Variants in GRIN2D observed in about 807,000 individuals in gnomAD.
GRIN2D encodes glutamate receptor ionotropic, NMDA 2D.
A neutral mutation model predicts 103.2 loss-of-function variants in GRIN2D; 37 were observed. That is an observed-to-expected ratio of 0.36 (90% confidence interval 0.28 to 0.47). The LOEUF is 0.47. Ranked by LOEUF, GRIN2D falls within the 20% of genes least tolerant of loss-of-function variation. The pLI is 1.00. For synonymous variants in GRIN2D, 845 were observed against 885.6 expected (o/e 0.95, Z 0.81); for missense variants, 1,557 against 1,910.6 (o/e 0.81, Z 3.45).
intron 4 of GRIN2D, among the ~76,000 whole-genome samples, chr19:48,411,798 T>C (rs1970864433): frequency 1.3e-5 from 2 of 150,264 alleles, no homozygotes; most frequent in Admixed American, 1.3e-4. Flanking sequence ...CCAGTGTTGA[T>C]AGAGAAAAAA....
rs1970673208 is a variant in GRIN2D at position 48,398,711 on chromosome 19, C to T, written c.319C>T (p.Leu107=). 3 of 1,468,156 alleles carry T rather than the reference C, an allele frequency of 2.0e-6. No homozygotes were observed. The highest frequency in any genetic ancestry group is 2.4e-4 in the Middle Eastern group (1 of 4,252). 90.9% of individuals were successfully genotyped at this position (1,468,156 alleles called of 1,614,324 possible). A position where few individuals can be genotyped will look rare whatever the true frequency, so the allele number is the denominator to read the frequency against. Residue 107 remains leucine (L), a synonymous_variant, in exon 3 of 14, where the codon CTG becomes TTG. Coordinates refer to ENST00000263269, the MANE Select transcript of GRIN2D (RefSeq NM_000836.4). ...CCTCGTGCTGCAGCTCTGCGACCTG[C>T]TGTCGGGGTTGCGCGTGCACGGCGT... The part of the protein sequence containing the change: ...RSLVLQLCDL[L]SGLRVHGVVF...
chr19:48,414,317 C>T lies in GRIN2D; in HGVS notation c.1201-56C>T, dbSNP rs749735268. The T allele has an allele frequency of 1.4e-5, 20 of 1,405,372 alleles. No individual in the cohort carries two copies. The highest frequency in any genetic ancestry group is 1.9e-5 in the Non-Finnish European group (19 of 1,021,096). 87.1% of individuals were successfully genotyped at this position (1,405,372 alleles called of 1,614,324 possible). On this transcript the variant is annotated intron_variant, in intron 5 of 13. Coordinates refer to ENST00000263269, the MANE Select transcript of GRIN2D (RefSeq NM_000836.4). This position sits in a 1 kb window ranked among gnomAD's most constrained non-coding sequence, Gnocchi z 4.6. ...TCTGAGGGAAGAGGATCATGGAGGC[C>T]AGGATACACCGGGAAGTCTTCCCAG...
chr19:48,402,769 A>AGAGAGATT (rs1188746410), intron 3 of GRIN2D, among the ~76,000 whole-genome samples: 1 of 58,456 alleles, frequency 1.7e-5, no homozygotes, highest in East Asian at 9.2e-4. Flanking sequence ...CCTTTACGAG[A>AGAGAGATT]GAGAGAGAGA....
Position 48,414,183 on chromosome 19 carries a change from G to C in GRIN2D, c.1200+78G>C, listed in dbSNP as rs1354900501. 87 of 987,930 alleles carry C rather than the reference G, an allele frequency of 8.8e-5. No homozygotes were observed. The East Asian group carries it at 2.2e-3, about 24-fold the overall frequency. The allele number at this position is 987,930 out of a possible 1,614,324, so 61.2% of individuals were successfully genotyped here. A position where few individuals can be genotyped will look rare whatever the true frequency, so the allele number is the denominator to read the frequency against. On this transcript the variant is annotated intron_variant, in intron 5 of 13. Coordinates refer to ENST00000263269, the MANE Select transcript of GRIN2D (RefSeq NM_000836.4). This position sits in a 1 kb window ranked among gnomAD's most constrained non-coding sequence, Gnocchi z 4.6. Reference sequence around the variant, plus strand: ...CCTGGCAGAGGGGGGGCTTGAGGTCGTGGACTAAGAGGGAGGAGGGGACAA... The same window carrying C: ...CCTGGCAGAGGGGGGGCTTGAGGTCCTGGACTAAGAGGGAGGAGGGGACAA...
Position 48,416,088 on chromosome 19 carries a change from C to A in GRIN2D, c.1668C>A (p.Phe556Leu). 6.2e-7 allele frequency: 1 copy of A among 1,613,964 alleles called. No individual in the cohort carries two copies. ...AGATCGTGGACTTCTCCGTCCCCTT[C>A]GTGGAGACCGGCATCAGCGTCATGG... is the stretch of plus-strand genomic sequence containing the variant. Reference protein sequence around the residue: ...RSEIVDFSVPFVETGISVMVA... With the variant: ...RSEIVDFSVPLVETGISVMVA... Residue 556 changes from phenylalanine (F) to leucine (L), a missense_variant, in exon 8 of 14, where the codon TTC (phenylalanine) becomes TTA (leucine). This residue lies in a region of GRIN2D where 197 missense variants were observed against 334.1 expected (regional missense o/e 0.59). Transcript: ENST00000263269.
chr19:48,419,390 G>A, intron 9 of GRIN2D, 31 bp downstream of exon 9: 1 of 1,583,438 alleles, frequency 6.3e-7, no homozygotes, highest in Non-Finnish European at 8.5e-7. Context: ...CCCCCGCCTC[G>A]GAGATCCCGA....
At position 48,397,373 on chromosome 19, in the gene GRIN2D, C is replaced by T. The variant is rs1473833352; in HGVS notation, c.-26-994C>T. Reference sequence around the variant, plus strand: ...CTTTTATTTCTGCTCCCTCCTGCCACTCGCCTTCCCCGCCTTACTTTCATG... The same window carrying T: ...CTTTTATTTCTGCTCCCTCCTGCCATTCGCCTTCCCCGCCTTACTTTCATG... On this transcript the variant is annotated intron_variant, in intron 2 of 13. Transcript: ENST00000263269. 3.3e-5 allele frequency among the ~76,000 whole-genome samples: 5 copies of T among 152,068 alleles called. No homozygotes were observed. The East Asian group carries it at 9.6e-4, about 29-fold the overall frequency.
chr19:48,443,951 GC>G lies in GRIN2D; in HGVS notation c.*18del. On this transcript the variant is annotated 3_prime_UTR_variant, in exon 14 of 14. Coordinates refer to ENST00000263269, the MANE Select transcript of GRIN2D (RefSeq NM_000836.4). This position sits in a 1 kb window ranked among gnomAD's most constrained non-coding sequence, Gnocchi z 8.9. ...TCCGAGGTATGACGCGGCCCCGGGG[GC>G]CCCACCGCCCCCTTGGTCAGCGCAG... 2 of 1,378,144 alleles carry G rather than the reference GC, an allele frequency of 1.5e-6. No homozygotes were observed. Among genetic ancestry groups the G allele is most frequent in the Non-Finnish European group, 1.9e-6 (2 of 1,064,434 alleles). 85.4% of individuals were successfully genotyped at this position (1,378,144 alleles called of 1,614,324 possible). A position where few individuals can be genotyped will look rare whatever the true frequency, so the allele number is the denominator to read the frequency against.
At chr19:48,400,272 G>T (rs559012068) in intron 3 of GRIN2D, among the ~76,000 whole-genome samples, 2 of 152,218 alleles carry the variant, frequency 1.3e-5, no homozygotes, top group South Asian at 4.1e-4. Flanking sequence ...CTCTCCAGAG[G>T]TGGGGCCAGC....
intron 10 of GRIN2D, among the ~76,000 whole-genome samples, chr19:48,420,657 C>T (rs1600982790): frequency 1.3e-5 from 2 of 151,644 alleles, no homozygotes; most frequent in East Asian, 3.9e-4. Context: ...GAAACCTCGT[C>T]TCTAATAAAA....
chr19:48,405,141 C>G lies in GRIN2D; in HGVS notation c.873C>G (p.Pro291=), dbSNP rs939569697. Residue 291 remains proline (P), a synonymous_variant, in exon 4 of 14, where the codon CCC becomes CCG. Transcript: ENST00000263269. The surrounding 1 kb of genome is among the most constrained non-coding windows in gnomAD (Gnocchi z 5.1). Reference sequence around the variant, plus strand: ...GGGGCTCTGGGGCCCCTGGTGAGCCCCCTCTTCTGCCAGGAGGCGCCCCCC... The same window carrying G: ...GGGGCTCTGGGGCCCCTGGTGAGCCGCCTCTTCTGCCAGGAGGCGCCCCCC... ...GGGGSGAPGE[P]PLLPGGAPLP... 1 of 1,573,572 alleles carries G rather than the reference C, an allele frequency of 6.4e-7. No homozygotes were observed. The highest frequency in any genetic ancestry group is 8.6e-7 in the Non-Finnish European group (1 of 1,160,572).
chr19:48,404,590 C>A, intron 3 of GRIN2D, 144 bp from the exon 4 acceptor site: 1 of 726,542 alleles, frequency 1.4e-6, no homozygotes, highest in Non-Finnish European at 2.2e-6. Context: ...CAGATCTAGC[C>A]CTGTGCCCCA....
chr19:48,395,131 T>C (rs1415150488), intron 2 of GRIN2D, among the ~76,000 whole-genome samples, 195 bp downstream of exon 2: 1 of 151,598 alleles, frequency 6.6e-6, no homozygotes, highest in Non-Finnish European at 1.5e-5. Flanking sequence ...AGCCCCTTTT[T>C]CCTGAGTCCC....
intron 11 of GRIN2D, among the ~76,000 whole-genome samples, chr19:48,423,862 G>A (rs1420207991): frequency 1.3e-5 from 2 of 152,172 alleles, no homozygotes; most frequent in African/African-American, 2.4e-5. Flanking sequence ...TGTTGCCCAG[G>A]CTGGAGTGCA....
intron 3 of GRIN2D, among the ~76,000 whole-genome samples, chr19:48,403,223 A>G (rs1036804372): frequency 1.7e-5 from 2 of 118,246 alleles, no homozygotes; most frequent in Non-Finnish European, 3.5e-5. Context: ...AAAAAAAAAA[A>G]GGCTGGAGGA....
At chr19:48,438,517 C>T (rs1215927218) in intron 11 of GRIN2D, among the ~76,000 whole-genome samples, 3 of 151,894 alleles carry the variant, frequency 2.0e-5, no homozygotes, top group Non-Finnish European at 4.4e-5. Context: ...CCAGGATGGT[C>T]TCGATCTCCT....
chr19:48,443,369 C>T lies in GRIN2D; in HGVS notation c.3443C>T (p.Pro1148Leu). 1.3e-6 allele frequency: 2 copies of T among 1,493,572 alleles called. No individual in the cohort carries two copies. The highest frequency in any genetic ancestry group is 1.8e-6 in the Non-Finnish European group (2 of 1,129,694). The allele number at this position is 1,493,572 out of a possible 1,614,324, so 92.5% of individuals were successfully genotyped here. The change falls in exon 14 of 14, where the codon CCG becomes CTG. Residue 1148 changes from proline (P) to leucine (L), a missense_variant. Around this residue, in one of 7 missense-constraint regions of GRIN2D, gnomAD observed 632 missense variants for 572.8 expected, o/e 1.10. Coordinates refer to ENST00000263269, the MANE Select transcript of GRIN2D (RefSeq NM_000836.4). This position sits in a 1 kb window ranked among gnomAD's most constrained non-coding sequence, Gnocchi z 8.9. The part of the protein sequence containing the change: ...PYPYAERLGP[P>L]PGRYWSVDKL... Reference sequence around the variant, plus strand: ...CCGTATGCCGAGCGCCTCGGGCCGCCGCCCGGCCGCTACTGGTCGGTCGAC... The same window carrying T: ...CCGTATGCCGAGCGCCTCGGGCCGCTGCCCGGCCGCTACTGGTCGGTCGAC...
chr19:48,435,481 G>C (rs916951485), intron 11 of GRIN2D, among the ~76,000 whole-genome samples: 4 of 151,948 alleles, frequency 2.6e-5, no homozygotes, highest in African/African-American at 9.7e-5. Context: ...GTAGCAACAG[G>C]GTTTCGCCAT....
Position 48,441,267 on chromosome 19 carries a change from G to A in GRIN2D, c.2253-502G>A, listed in dbSNP as rs551296720. ...AATCCCAGCTACTTGGGAGGCTGAG[G>A]CAGGAGAATCGCTTGAACCCAGGAG... On this transcript the variant is annotated intron_variant, in intron 11 of 13. Coordinates refer to ENST00000263269, the MANE Select transcript of GRIN2D (RefSeq NM_000836.4). Among the ~76,000 whole-genome samples the A allele has an allele frequency of 2.0e-5, 3 of 150,822 alleles. No homozygotes were observed. In the South Asian group the frequency reaches 6.3e-4, roughly 32 times the overall value.
Sources: gnomAD v4.1 joint callset for allele counts (sites outside exome capture counted in the v4.1 genomes callset) on GRCh38, gnomAD v4.1.1 for gene constraint, gnomAD v4.1.1 regional missense constraint, Gnocchi (gnomAD v3.1) non-coding constraint, MANE v1.5 for transcripts, NCBI Gene and HGNC (gene_info 2026-07-23, HGNC 2026-07-21) for gene names.